The following ITGA5 variants were observed in gnomAD, a reference collection of about 807,000 sequenced individuals.
ITGA5 encodes integrin alpha-5.
A neutral mutation model predicts 146.3 loss-of-function variants in ITGA5; 55 were observed. The ratio of observed to expected loss-of-function variants is 0.38; its 90% confidence interval spans 0.30 to 0.47. ITGA5 has a LOEUF of 0.47. Ranked by LOEUF, ITGA5 falls within the 20% of genes least tolerant of loss-of-function variation. The probability of loss-of-function intolerance (pLI) is 0.99; values close to 1 mark genes in which losing one functional copy is unlikely to be tolerated. For synonymous variants in ITGA5, 500 were observed against 531.8 expected (o/e 0.94, Z 0.82); for missense variants, 1,131 against 1,329.0 (o/e 0.85, Z 2.32).
At position 54,416,193 on chromosome 12, in the gene ITGA5, C is replaced by T. The variant is rs1048264081; in HGVS notation, c.218+2788G>A. 3.9e-5 allele frequency among the ~76,000 whole-genome samples: 6 copies of T among 152,184 alleles called. No individual in the cohort carries two copies. Among genetic ancestry groups the T allele is most frequent in the African/African-American group, 1.4e-4 (6 of 41,430 alleles). On this transcript the variant is annotated intron_variant, in intron 1 of 29. Coordinates refer to ENST00000293379, the MANE Select transcript of ITGA5 (RefSeq NM_002205.5). This position sits in a 1 kb window ranked among gnomAD's most constrained non-coding sequence, Gnocchi z 4.1. Reference sequence around the variant, plus strand: ...CAAGGGATTCTCCTGCCTCAGTTTCCCGAGTAGCTGGGATTACAGGTGCGT... The same window carrying T: ...CAAGGGATTCTCCTGCCTCAGTTTCTCGAGTAGCTGGGATTACAGGTGCGT...
At chr12:54,402,915 TC>T in intron 19 of ITGA5, 67 bp downstream of exon 19, 1 of 1,285,696 alleles carries the variant, frequency 7.8e-7, no homozygotes, top group Non-Finnish European at 1.1e-6. Flanking sequence ...AGCTAGTATG[TC>T]CCTAGCTGAT....
intron 1 of ITGA5, among the ~76,000 whole-genome samples, chr12:54,414,233 T>C (rs1167655898): frequency 6.6e-6 from 1 of 152,150 alleles, no homozygotes; most frequent in Admixed American, 6.5e-5. Context: ...ACACGCCAAG[T>C]GAGGTGACTG....
intron 1 of ITGA5, among the ~76,000 whole-genome samples, chr12:54,414,969 C>T (rs1429273451): frequency 3.3e-5 from 5 of 151,488 alleles, no homozygotes; most frequent in Non-Finnish European, 5.9e-5. Context: ...ACCAACATGG[C>T]GAAACCCCGT....
At position 54,401,522 on chromosome 12, in the gene ITGA5, A is replaced by G. The variant is rs1002570997; in HGVS notation, c.2388-44T>C. The G allele has an allele frequency of 2.5e-6, 4 of 1,578,050 alleles. No homozygotes were observed. In the South Asian group the frequency reaches 3.5e-5, roughly 14 times the overall value. The stretch of plus-strand genomic sequence containing the variant: ...TAGAGGAGGGTGGAAGGAACCCCAT[A>G]TGCATCCTTCCCTAGAAGTCTGTGT... On this transcript the variant is annotated intron_variant, in intron 23 of 29. Coordinates refer to ENST00000293379, the MANE Select transcript of ITGA5 (RefSeq NM_002205.5). The surrounding 1 kb of genome is among the most constrained non-coding windows in gnomAD (Gnocchi z 5.0).
chr12:54,403,389 A>C lies in ITGA5; in HGVS notation c.1777-65T>G. On this transcript the variant is annotated intron_variant, in intron 17 of 29. Coordinates refer to ENST00000293379, the MANE Select transcript of ITGA5 (RefSeq NM_002205.5). This position sits in a 1 kb window ranked among gnomAD's most constrained non-coding sequence, Gnocchi z 4.9. ...TGGAGACTTAGTGGCCCTGCTCCTCAGCCTCTCTCATCTCCCTTTGTCTGC... is the reference window on the plus strand; with the variant it reads ...TGGAGACTTAGTGGCCCTGCTCCTCCGCCTCTCTCATCTCCCTTTGTCTGC... 6.8e-7 allele frequency: 1 copy of C among 1,471,078 alleles called. No individual in the cohort carries two copies. Among genetic ancestry groups the C allele is most frequent in the Non-Finnish European group, 9.1e-7 (1 of 1,101,496 alleles). 91.1% of individuals were successfully genotyped at this position (1,471,078 alleles called of 1,614,324 possible).
At chr12:54,407,403 G>T in intron 9 of ITGA5, 2 of 544,456 alleles carry the variant, frequency 3.7e-6, no homozygotes, top group Non-Finnish European at 6.6e-6. Context: ...CCAGAGCCTC[G>T]TGAGGTCAGA....
In ITGA5 at chr12:54,403,174, G is replaced by A. The variant is rs1278886715; in HGVS notation, c.1914+13C>T. The A allele has an allele frequency of 6.4e-7, 1 of 1,570,148 alleles. No individual in the cohort carries two copies. The highest frequency in any genetic ancestry group is 1.2e-5 in the South Asian group (1 of 83,962). On this transcript the variant is annotated intron_variant, in intron 18 of 29. Transcript: ENST00000293379. This position sits in a 1 kb window ranked among gnomAD's most constrained non-coding sequence, Gnocchi z 4.9. ...CTGTCTTCCCAGGTCCCTTCTCCCT[G>A]CCCTGTCCTCACCTTGTCCTCTATC...
rs766816768 is a variant in ITGA5 at position 54,404,201 on chromosome 12, G to A, written c.1509C>T (p.Pro503=). Residue 503 remains proline (P), a synonymous_variant, in exon 15 of 30, where the codon CCC becomes CCT. Coordinates refer to ENST00000293379, the MANE Select transcript of ITGA5 (RefSeq NM_002205.5). Reference sequence around the variant, plus strand: ...TCCGCTCCTCTGGGTTGAACATGGCGGGGAAGATGGTGAGGGAGGCACTAG... The same window carrying A: ...TCCGCTCCTCTGGGTTGAACATGGCAGGGAAGATGGTGAGGGAGGCACTAG... ...VSASASLTIF[P]AMFNPEERSC... is the part of the protein sequence containing the mutation. 12 of 1,602,284 alleles carry A rather than the reference G, an allele frequency of 7.5e-6. No homozygotes were observed. Among genetic ancestry groups the A allele is most frequent in the South Asian group, 2.2e-5 (2 of 89,052 alleles).
intron 25 of ITGA5, 59 bp downstream of exon 25, chr12:54,400,787 C>T: frequency 6.4e-7 from 1 of 1,567,974 alleles, no homozygotes; most frequent in Non-Finnish European, 8.7e-7. Context: ...TTCCCCAACC[C>T]CTCAGCCTTG....
chr12:54,402,119 G>A (rs761362254), intron 20 of ITGA5, 26 bp from the exon 21 acceptor site: 2 of 1,613,942 alleles, frequency 1.2e-6, no homozygotes, highest in South Asian at 2.2e-5. Context: ...GCACTGGTCA[G>A]GTTTTGGTGT....
chr12:54,400,027 T>C, intron 25 of ITGA5, 80 bp from the exon 26 acceptor site: 1 of 939,746 alleles, frequency 1.1e-6, no homozygotes, highest in Non-Finnish European at 1.7e-6. Context: ...CAGAGCAGCT[T>C]CAACCTATTC....
At chr12:54,404,954 A>G (rs1955843627) in intron 12 of ITGA5, 60 bp from the exon 13 acceptor site, 1 of 1,377,348 alleles carries the variant, frequency 7.3e-7, no homozygotes, top group African/African-American at 1.5e-5. Flanking sequence ...TCTAATCTCT[A>G]CTACCAGACC....
chr12:54,404,978 T>C (rs1462197701), intron 12 of ITGA5, 84 bp from the exon 13 acceptor site: 6 of 1,262,012 alleles, frequency 4.8e-6, no homozygotes, highest in Non-Finnish European at 6.5e-6. Flanking sequence ...GGACCTAGGA[T>C]CCTATTTTTT....
chr12:54,403,708 A>T lies in ITGA5; in HGVS notation c.1693T>A (p.Ser565Thr). The T allele has an allele frequency of 6.2e-7, 1 of 1,614,146 alleles. No homozygotes were observed. ...GTCTGGGTCAGGGTTGCCTGCCTGG[A>T]GGCCAGGAACAGTGCCCGCCGTACC... Reference protein sequence around the residue: ...GGVRRALFLASRQATLTQTLL... With the variant: ...GGVRRALFLATRQATLTQTLL... Residue 565 changes from serine (S) to threonine (T), a missense_variant, in exon 17 of 30, where the codon TCC becomes ACC. Physicochemically the swap from Ser to Thr is moderately conservative, Grantham distance 58. Coordinates refer to ENST00000293379, the MANE Select transcript of ITGA5 (RefSeq NM_002205.5). The surrounding 1 kb of genome is among the most constrained non-coding windows in gnomAD (Gnocchi z 4.9).
intron 19 of ITGA5, 90 bp from the exon 20 acceptor site, chr12:54,402,420 G>A: frequency 1.6e-6 from 2 of 1,273,136 alleles, no homozygotes; most frequent in Non-Finnish European, 2.2e-6. Flanking sequence ...TACGAGGCCG[G>A]GTGTGGTGGC....
chr12:54,400,249 T>C, intron 25 of ITGA5: 1 of 367,392 alleles, frequency 2.7e-6, no homozygotes, highest in African/African-American at 2.0e-5. Flanking sequence ...ATAGACAGGT[T>C]CAACCTTATC....
chr12:54,398,132 A>C lies in ITGA5; in HGVS notation c.2943+465T>G, dbSNP rs371611468. Among the ~76,000 whole-genome samples, 8 of 152,204 alleles carry C rather than the reference A, an allele frequency of 5.3e-5. No homozygotes were observed. The East Asian group carries it at 5.8e-4, about 11-fold the overall frequency. Reference sequence around the variant, plus strand: ...AGGTTGATCTTGAACTTCTGAGCTCAAGCAATCCACTTGCCTTGGCCTTCC... The same window carrying C: ...AGGTTGATCTTGAACTTCTGAGCTCCAGCAATCCACTTGCCTTGGCCTTCC... On this transcript the variant is annotated intron_variant, in intron 28 of 29. Coordinates refer to ENST00000293379, the MANE Select transcript of ITGA5 (RefSeq NM_002205.5).
intron 28 of ITGA5, among the ~76,000 whole-genome samples, chr12:54,397,712 C>T (rs3817618): frequency 0.42 from 64,020 of 151,934 alleles, 17,181 homozygotes; most frequent in Non-Finnish European, 0.62. Flanking sequence ...GTGAACTGGG[C>T]CTCCAGGATC....
Position 54,395,922 on chromosome 12 carries a change from C to A in ITGA5, c.*371G>T. ...CAGATCTTTGCAGGTTGGAGCTGGA[C>A]AGGAAGTCCTTGTGGCATGTCTGGC... On this transcript the variant is annotated 3_prime_UTR_variant, in exon 30 of 30. Transcript: ENST00000293379. 1 of 196,410 alleles carries A rather than the reference C, an allele frequency of 5.1e-6. No homozygotes were observed. Among genetic ancestry groups the A allele is most frequent in the Non-Finnish European group, 1.1e-5 (1 of 94,478 alleles). The allele number at this position is 196,410 out of a possible 1,614,324, so 12.2% of individuals were successfully genotyped here.
Sources: gnomAD v4.1 joint callset for allele counts (sites outside exome capture counted in the v4.1 genomes callset) on GRCh38, gnomAD v4.1.1 for gene constraint, Gnocchi (gnomAD v3.1) non-coding constraint, MANE v1.5 for transcripts, NCBI Gene and HGNC (gene_info 2026-07-23, HGNC 2026-07-21) for gene names.